The following DHX57 variants were observed in gnomAD, a reference collection of about 807,000 sequenced individuals.
DHX57 encodes the protein DExH-box helicase 57, also known as putative ATP-dependent RNA helicase DHX57.
DHX57 carries 105 observed loss-of-function variants against 156.2 expected under a neutral mutation model. The ratio of observed to expected loss-of-function variants is 0.67; its 90% confidence interval spans 0.57 to 0.79. The LOEUF (loss-of-function observed/expected upper bound fraction) is 0.79. Ranked by LOEUF, DHX57 falls within the 30% of genes least tolerant of loss-of-function variation. The pLI, the probability that DHX57 is intolerant of heterozygous loss-of-function variation, is 0.00. For missense variants in DHX57, 1,847 were observed against 1,661.9 expected, an observed-to-expected ratio of 1.11 and a Z score of -1.94; for synonymous variants, 704 against 595.6, an observed-to-expected ratio of 1.18 and a Z score of -2.65.
In DHX57 at chr2:38,828,409, A is replaced by G. The variant is rs1252327870; in HGVS notation, c.2570T>C (p.Leu857Pro). ...TTCATAAAGCATTTTGATTTCTGCTAGTCCTGGTAAAAATACAAGTATAGC... is the reference window on the plus strand; with the variant it reads ...TTCATAAAGCATTTTGATTTCTGCTGGTCCTGGTAAAAATACAAGTATAGC... ...PGAILVFLPG[L>P]AEIKMLYEQL... Residue 857 changes from leucine (L) to proline (P), a missense_variant, in exon 14 of 24, where the codon CTA becomes CCA. Leu to Pro is a moderately conservative substitution (Grantham distance 98, BLOSUM62 -3). Transcript: ENST00000457308. The G allele has an allele frequency of 6.2e-7, 1 of 1,613,414 alleles. No homozygotes were observed.
chr2:38,845,850 G>A (rs1672250472), intron 11 of DHX57, among the ~76,000 whole-genome samples: 1 of 150,564 alleles, frequency 6.6e-6, no homozygotes, highest in South Asian at 2.1e-4. Context: ...TGATGATGAT[G>A]ATAATAATAG....
Position 38,837,913 on chromosome 2 carries a change from G to A in DHX57, c.2460C>T (p.Ile820=), listed in dbSNP as rs1671766744. The A allele has an allele frequency of 6.2e-7, 1 of 1,613,438 alleles. No homozygotes were observed. The highest frequency in any genetic ancestry group is 1.7e-5 in the Admixed American group (1 of 59,996). Residue 820 remains isoleucine (I), a synonymous_variant, in exon 13 of 24, where the codon ATC becomes ATT. Transcript: ENST00000457308. The part of the protein sequence containing the change: ...VSKSVIKTMS[I]MDFEKVNLEL... The stretch of plus-strand genomic sequence containing the variant: ...CAAGATTCACCTTTTCAAAATCCAT[G>A]ATGGACATTGTTTTGATGACTGACT...
intron 2 of DHX57, chr2:38,867,104 C>G (rs771976732): frequency 1.3e-5 from 2 of 152,192 alleles, no homozygotes; most frequent in Non-Finnish European, 2.9e-5. Context: ...TACACAAATA[C>G]TTACCATTGT....
chr2:38,863,998 C>T (rs1008309014), intron 2 of DHX57, among the ~76,000 whole-genome samples: 11 of 150,736 alleles, frequency 7.3e-5, no homozygotes, highest in Admixed American at 1.3e-4. Context: ...GGCAACAGAG[C>T]GAGATTCCGT....
chr2:38,840,313 A>T (rs1671917391), intron 12 of DHX57, among the ~76,000 whole-genome samples: 2 of 152,188 alleles, frequency 1.3e-5, no homozygotes, highest in African/African-American at 4.8e-5. Flanking sequence ...ATGCCTTAAA[A>T]ATTGAGCTAG....
chr2:38,811,774 T>G, intron 21 of DHX57: 1 of 467,708 alleles, frequency 2.1e-6, no homozygotes, highest in Non-Finnish European at 4.0e-6. Context: ...TCTTTCTTAT[T>G]GGTGAGTTCT....
intron 8 of DHX57, chr2:38,854,571 T>G (rs1337128077): frequency 6.3e-6 from 1 of 157,524 alleles, no homozygotes; most frequent in Non-Finnish European, 1.4e-5. Flanking sequence ...TTTTTTTTTT[T>G]TTTTTTTGAG....
At chr2:38,831,657 C>A (rs938861935) in intron 13 of DHX57, among the ~76,000 whole-genome samples, 1 of 151,738 alleles carries the variant, frequency 6.6e-6, no homozygotes, top group African/African-American at 2.4e-5. Flanking sequence ...GAGTTCCAGA[C>A]CAGCCTGGTC....
chr2:38,850,667 T>C (rs1014619895), intron 9 of DHX57, among the ~76,000 whole-genome samples: 1 of 134,948 alleles, frequency 7.4e-6, no homozygotes, highest in Admixed American at 8.4e-5. Context: ...TTTAATTACA[T>C]TTATGACTAT....
At chr2:38,837,722 G>A in intron 13 of DHX57, 109 bp downstream of exon 13, 1 of 699,402 alleles carries the variant, frequency 1.4e-6, no homozygotes, top group Admixed American at 2.3e-5. Flanking sequence ...CTGCCTTGTA[G>A]CCTGTGTGCA....
chr2:38,865,538 G>A (rs150174759), intron 2 of DHX57, among the ~76,000 whole-genome samples: 195 of 152,250 alleles, frequency 1.3e-3, no homozygotes, highest in African/African-American at 4.0e-3. Flanking sequence ...TTATAGCAGC[G>A]TGAGAATGGA....
chr2:38,860,912 A>G, intron 5 of DHX57, 87 bp downstream of exon 5: 4 of 1,211,840 alleles, frequency 3.3e-6, no homozygotes, highest in Non-Finnish European at 4.6e-6. Context: ...CAAGATCACT[A>G]AGCCATCCTA....
chr2:38,862,413 T>G (rs1443486434), intron 3 of DHX57, 80 bp from the exon 4 acceptor site: 1 of 1,333,598 alleles, frequency 7.5e-7, no homozygotes, highest in East Asian at 2.5e-5. Context: ...GTCTAAGAAT[T>G]TAATTCATAG....
chr2:38,821,376 T>A (rs1052971188), intron 17 of DHX57, among the ~76,000 whole-genome samples: 1 of 151,790 alleles, frequency 6.6e-6, no homozygotes, highest in East Asian at 1.9e-4. Context: ...AGTAAAGAAA[T>A]AAAGAACGGA....
chr2:38,840,816 A>C (rs967189905), intron 12 of DHX57, among the ~76,000 whole-genome samples: 14 of 152,256 alleles, frequency 9.2e-5, no homozygotes, highest in African/African-American at 3.4e-4. Context: ...TTTTGAAAGA[A>C]GCCAAAGGGA....
rs1412118657 is a variant in DHX57, at chr2:38,848,536, A to G, written c.2031-134T>C. 12 of 885,030 alleles carry G rather than the reference A, an allele frequency of 1.4e-5. No individual in the cohort carries two copies. The East Asian group carries it at 3.1e-4, about 23-fold the overall frequency. The allele number at this position is 885,030 out of a possible 1,614,324, so 54.8% of individuals were successfully genotyped here. On this transcript the variant is annotated intron_variant, in intron 9 of 23. Transcript: ENST00000457308. ...AAAAACCATTAACGTTCATAGAACA[A>G]TATGTCCTGTTCTTGGATGTGAAGC... is the stretch of plus-strand genomic sequence containing the variant.
At chr2:38,828,804 T>C (rs997341363) in intron 13 of DHX57, among the ~76,000 whole-genome samples, 3 of 152,138 alleles carry the variant, frequency 2.0e-5, no homozygotes, top group Non-Finnish European at 4.4e-5. Flanking sequence ...AATAAATAAC[T>C]ACATGTTTTA....
chr2:38,840,574 A>AAAAAC (rs1553330631), intron 12 of DHX57, among the ~76,000 whole-genome samples: 6 of 150,386 alleles, frequency 4.0e-5, no homozygotes, highest in Admixed American at 6.6e-5. Flanking sequence ...TGTTTTTTTT[A>AAAAAC]AAACAAACAA....
At chr2:38,826,158 C>A (rs186931288) in intron 15 of DHX57, 111 bp from the exon 16 acceptor site, 4 of 1,133,638 alleles carry the variant, frequency 3.5e-6, no homozygotes, top group Non-Finnish European at 1.2e-6. Flanking sequence ...GGACACAGTG[C>A]CCTGTATATT....
Sources: gnomAD v4.1 joint callset for allele counts (sites outside exome capture counted in the v4.1 genomes callset) on GRCh38, gnomAD v4.1.1 for gene constraint, MANE v1.5 for transcripts, NCBI Gene and HGNC (gene_info 2026-07-23, HGNC 2026-07-21) for gene names.